Variants in ADPRHL1 observed in about 807,000 individuals in gnomAD.
ADPRHL1 encodes the protein inactive ADP-ribosyltransferase ARH2.
A neutral mutation model predicts 44.1 loss-of-function variants in ADPRHL1; 43 were observed. The observed-to-expected ratio is 0.98, with a 90% CI of 0.76 to 1.26. The LOEUF is 1.26. Ranked by LOEUF, ADPRHL1 falls within the 50% of genes most tolerant of loss-of-function variation. The pLI is 0.00. For missense variants in ADPRHL1, 2,022 were observed against 2,496.9 expected (o/e 0.81, Z 4.05); for synonymous variants, 878 against 1,017.4 (o/e 0.86, Z 2.61).
chr13:113,444,013 A>G (rs971192735), intron 2 of ADPRHL1, among the ~76,000 whole-genome samples: 1 of 152,234 alleles, frequency 6.6e-6, no homozygotes, highest in Admixed American at 6.5e-5. Context: ...CAAGGCATAC[A>G]ATGGGAGAAA....
chr13:113,420,853 G>A (rs1304976709), intron 7 of ADPRHL1, among the ~76,000 whole-genome samples: 5 of 151,096 alleles, frequency 3.3e-5, no homozygotes, highest in South Asian at 4.2e-4. Flanking sequence ...TCTACCCCTG[G>A]GACACACCTA....
intron 2 of ADPRHL1, among the ~76,000 whole-genome samples, chr13:113,440,039 A>G (rs534504563): frequency 5.3e-5 from 8 of 152,160 alleles, no homozygotes; most frequent in African/African-American, 1.9e-4. Flanking sequence ...TTTTGGTTTT[A>G]TTAATTTGCT....
Position 113,453,165 on chromosome 13 carries a change from A to T in ADPRHL1, c.214+59T>A. On this transcript the variant is annotated intron_variant, in intron 1 of 7. Transcript: ENST00000612156. The surrounding 1 kb of genome is among the most constrained non-coding windows in gnomAD (Gnocchi z 5.4). ...AAGCTCTCGGAGGCTTACTGGGAGAACTCGAGCAGCCAGTGTTCCCTCCAG... is the reference window on the plus strand; with the variant it reads ...AAGCTCTCGGAGGCTTACTGGGAGATCTCGAGCAGCCAGTGTTCCCTCCAG... 6.3e-7 allele frequency: 1 copy of T among 1,585,418 alleles called. No individual in the cohort carries two copies. Among genetic ancestry groups the T allele is most frequent in the South Asian group, 1.1e-5 (1 of 90,198 alleles).
At chr13:113,408,277 CT>C in intron 7 of ADPRHL1, 57 bp from the exon 8 acceptor site, 1 of 1,230,106 alleles carries the variant, frequency 8.1e-7, no homozygotes, top group Non-Finnish European at 1.0e-6. Flanking sequence ...CAAGATGACT[CT>C]ATAGAACATT....
intron 7 of ADPRHL1, 25 bp downstream of exon 7, chr13:113,422,801 G>A (rs1208615940): frequency 1.2e-6 from 2 of 1,612,628 alleles, no homozygotes; most frequent in Admixed American, 1.7e-5. Flanking sequence ...GCTCTCTAGG[G>A]GGAAAGTGGC....
chr13:113,413,227 C>T (rs1282637503), intron 7 of ADPRHL1, among the ~76,000 whole-genome samples: 2 of 152,244 alleles, frequency 1.3e-5, no homozygotes, highest in Admixed American at 1.3e-4. Flanking sequence ...TTTCTGCCAG[C>T]TCCAGCCTCC....
chr13:113,431,755 G>A (rs747706166), intron 3 of ADPRHL1, among the ~76,000 whole-genome samples: 65 of 151,880 alleles, frequency 4.3e-4, no homozygotes, highest in Non-Finnish European at 7.5e-4. Context: ...TGACTCTGTC[G>A]CCCAGGCTGG....
chr13:113,444,384 A>G, intron 2 of ADPRHL1, 41 bp downstream of exon 2: 1 of 1,603,590 alleles, frequency 6.2e-7, no homozygotes, highest in East Asian at 2.2e-5. Context: ...CAGGGTCCCC[A>G]GCAGGGTGGC....
chr13:113,415,046 A>C (rs944999079), intron 7 of ADPRHL1, among the ~76,000 whole-genome samples: 1 of 151,994 alleles, frequency 6.6e-6, no homozygotes, highest in Non-Finnish European at 1.5e-5. Flanking sequence ...AGGGAGGGCG[A>C]CACCTCCCTA....
At chr13:113,437,222 C>T (rs188785519) in intron 2 of ADPRHL1, among the ~76,000 whole-genome samples, 28 of 115,064 alleles carry the variant, frequency 2.4e-4, no homozygotes, top group East Asian at 5.3e-4. Context: ...AGAGTGAACA[C>T]AGGTGTACCC....
chr13:113,435,245 A>C (rs2044043332), intron 2 of ADPRHL1, among the ~76,000 whole-genome samples: 1 of 19,838 alleles, frequency 5.0e-5, no homozygotes, highest in African/African-American at 1.1e-4. Context: ...TGTAGAGTGA[A>C]CACAGGTGTA....
intron 7 of ADPRHL1, among the ~76,000 whole-genome samples, chr13:113,418,319 C>T (rs1190136665): frequency 6.6e-6 from 1 of 152,192 alleles, no homozygotes; most frequent in Non-Finnish European, 1.5e-5. Context: ...CCTGCAGCAG[C>T]ATGGTTCTCG....
intron 3 of ADPRHL1, among the ~76,000 whole-genome samples, chr13:113,431,717 G>A (rs541321430): frequency 3.8e-4 from 58 of 151,728 alleles, no homozygotes; most frequent in Middle Eastern, 3.4e-3. Flanking sequence ...TTAAACATGT[G>A]AAATAATTTT....
Position 113,412,821 on chromosome 13 carries a change from TC to T in ADPRHL1, c.1062-4602del, listed in dbSNP as rs2043864485. Among the ~76,000 whole-genome samples, 9 of 85,576 alleles carry T rather than the reference TC, an allele frequency of 1.1e-4. 1 individual carries two copies. The highest frequency in any genetic ancestry group is 4.3e-4 in the African/African-American group (8 of 18,540). 56.1% of individuals were successfully genotyped at this position (85,576 alleles called of 152,430 possible). On this transcript the variant is annotated intron_variant, in intron 7 of 7. Coordinates refer to ENST00000612156, the MANE Select transcript of ADPRHL1 (RefSeq NM_001394807.1). ...CACCGCCAACAGCACCCCGCAGAAC[TC>T]GGTTCACCCACCGCCAACAGCGCCC...
At chr13:113,437,301 G>A (rs556770971) in intron 2 of ADPRHL1, among the ~76,000 whole-genome samples, 2 of 151,204 alleles carry the variant, frequency 1.3e-5, no homozygotes, top group African/African-American at 4.9e-5. Context: ...GGCGCAGGGT[G>A]AACACAGGTG....
In ADPRHL1 at chr13:113,409,365, T is replaced by A; in HGVS notation, c.1062-1145A>T. On this transcript the variant is annotated intron_variant, in intron 7 of 7. Coordinates refer to ENST00000612156, the MANE Select transcript of ADPRHL1 (RefSeq NM_001394807.1). This position sits in a 1 kb window ranked among gnomAD's most constrained non-coding sequence, Gnocchi z 4.2. The stretch of plus-strand genomic sequence containing the variant: ...TCTTAGCTGTCACACCTGTTAGTCA[T>A]TCATTCTAAGGAGATCATCAGGGAT... 1.0e-6 allele frequency: 1 copy of A among 985,364 alleles called. No individual in the cohort carries two copies. The allele number at this position is 985,364 out of a possible 1,614,324, so 61.0% of individuals were successfully genotyped here.
At chr13:113,437,513 T>G (rs1343989913) in intron 2 of ADPRHL1, among the ~76,000 whole-genome samples, 2 of 152,238 alleles carry the variant, frequency 1.3e-5, no homozygotes, top group South Asian at 4.1e-4. Context: ...CGACCGTGCG[T>G]GTTACTCGGC....
At chr13:113,430,954 G>A (rs1010536600) in intron 3 of ADPRHL1, among the ~76,000 whole-genome samples, 4 of 152,228 alleles carry the variant, frequency 2.6e-5, no homozygotes, top group East Asian at 1.9e-4. Context: ...CAGTCCTCAC[G>A]AGAGCCTGTG....
intron 1 of ADPRHL1, among the ~76,000 whole-genome samples, chr13:113,444,813 C>T (rs548624543): frequency 4.6e-5 from 7 of 152,164 alleles, no homozygotes; most frequent in South Asian, 4.1e-4. Flanking sequence ...TTAGTAGAGA[C>T]GGGGTTTCAC....
Sources: gnomAD v4.1 joint callset for allele counts (sites outside exome capture counted in the v4.1 genomes callset) on GRCh38, gnomAD v4.1.1 for gene constraint, Gnocchi (gnomAD v3.1) non-coding constraint, MANE v1.5 for transcripts, NCBI Gene and HGNC (gene_info 2026-07-23, HGNC 2026-07-21) for gene names.